Variants in TMED4 observed in about 807,000 individuals in gnomAD.
TMED4 encodes the protein transmembrane emp24 domain-containing protein 4.
Under a neutral mutation model 26.5 loss-of-function variants are expected in TMED4, and 19 were observed. The observed-to-expected ratio is 0.72, with a 90% CI of 0.50 to 1.05. The LOEUF (loss-of-function observed/expected upper bound fraction) is 1.05, where lower values mean the gene tolerates loss of function less well. TMED4 is among the 50% of genes least tolerant of loss of function. The pLI, the probability that TMED4 is intolerant of heterozygous loss-of-function variation, is 0.00. For missense variants in TMED4, 303 were observed against 302.5 expected, an observed-to-expected ratio of 1.00 and a Z score of -0.01; for synonymous variants, 121 against 119.8, an observed-to-expected ratio of 1.01 and a Z score of -0.07.
intron 4 of TMED4, 135 bp downstream of exon 4, chr7:44,580,958 A>G (rs1802966890): frequency 2.6e-5 from 27 of 1,028,870 alleles, no homozygotes; most frequent in Non-Finnish European, 3.7e-5. Flanking sequence ...CAAAAACAAC[A>G]AACAAACAAC....
rs748793983 is a variant in TMED4 at position 44,581,238 on chromosome 7, C to T, written c.389G>A (p.Arg130Gln). The stretch of plus-strand genomic sequence containing the variant: ...CCCAACCTGGATGTCGAGATGCACC[C>T]GCTACAAGGAAACATGGAATGTATG... ...RMALFAGGKL[R>Q]VHLDIQVGEH... is the part of the protein sequence containing the mutation. The change falls in exon 4 of 5, where the codon CGG becomes CAG. Residue 130 changes from arginine (R) to glutamine (Q), a missense_variant and splice_region_variant. Physicochemically the swap from Arg to Gln is conservative, Grantham distance 43. Coordinates refer to ENST00000457408, the MANE Select transcript of TMED4 (RefSeq NM_182547.4). 5 of 1,613,958 alleles carry T rather than the reference C, an allele frequency of 3.1e-6. No homozygotes were observed. Among genetic ancestry groups the T allele is most frequent in the Non-Finnish European group, 3.4e-6 (4 of 1,179,990 alleles).
In TMED4 at chr7:44,582,223, A is replaced by G. The variant is rs1803033037; in HGVS notation, c.-17T>C. 3 of 1,534,152 alleles carry G rather than the reference A, an allele frequency of 2.0e-6. No homozygotes were observed. In the East Asian group the frequency reaches 7.3e-5, roughly 38 times the overall value. On this transcript the variant is annotated 5_prime_UTR_variant, in exon 1 of 5. Transcript: ENST00000457408. ...ACCTGCCATCGCGCCTCAGCCCCTA[A>G]GCGCCTGCGCACATTTGCGCATCGC...
chr7:44,581,716 G>A lies in TMED4; in HGVS notation c.261+7C>T, dbSNP rs772188218. Reference sequence around the variant, plus strand: ...AGAACGGCTGCGTGGGCCAACGCCAGCCTTACCTTGCCGTCGGGGTCCTTC... The same window carrying A: ...AGAACGGCTGCGTGGGCCAACGCCAACCTTACCTTGCCGTCGGGGTCCTTC... On this transcript the variant is annotated splice_region_variant and intron_variant, in intron 2 of 4. Transcript: ENST00000457408. 21 of 1,614,196 alleles carry A rather than the reference G, an allele frequency of 1.3e-5. No homozygotes were observed. Among genetic ancestry groups the A allele is most frequent in the Non-Finnish European group, 1.7e-5 (20 of 1,180,020 alleles).
Position 44,582,166 on chromosome 7 carries a change from C to G in TMED4, c.41G>C (p.Arg14Pro). 5 of 1,548,460 alleles carry G rather than the reference C, an allele frequency of 3.2e-6. No homozygotes were observed. The highest frequency in any genetic ancestry group is 1.7e-4 in the Middle Eastern group (1 of 5,896). The change falls in exon 1 of 5, where the codon CGG (arginine) becomes CCG (proline). Residue 14 changes from arginine (R) to proline (P), a missense_variant. Coordinates refer to ENST00000457408, the MANE Select transcript of TMED4 (RefSeq NM_182547.4). ...CAGCGCGAGAAGCAGCAGGGCCTGC[C>G]GCCCCATCGCCCGCAGAGGCCCAGC... ...VGAGPLRAMG[R>P]QALLLLALCA...
intron 1 of TMED4, 73 bp downstream of exon 1, chr7:44,581,974 G>T: frequency 6.6e-7 from 1 of 1,522,428 alleles, no homozygotes; most frequent in Non-Finnish European, 8.8e-7. Context: ...GACCCGGCTG[G>T]GCTCGGGAGG....
Position 44,582,088 on chromosome 7 carries a change from C to G in TMED4, c.119G>C (p.Arg40Pro). 6.4e-7 allele frequency: 1 copy of G among 1,566,828 alleles called. No individual in the cohort carries two copies. Among genetic ancestry groups the G allele is most frequent in the South Asian group, 1.2e-5 (1 of 85,832 alleles). The change falls in exon 1 of 5, where the codon CGC (arginine) becomes CCC (proline). Residue 40 changes from arginine (R) to proline (P), a missense_variant. Transcript: ENST00000457408. ...LYFHIGETEK[R>P]CFIEEIPDET... ...GTCGGGGATTTCCTCGATGAAACAGCGCTTCTCGGTCTCGCCGATGTGGAA... is the reference window on the plus strand; with the variant it reads ...GTCGGGGATTTCCTCGATGAAACAGGGCTTCTCGGTCTCGCCGATGTGGAA...
intron 4 of TMED4, 66 bp downstream of exon 4, chr7:44,581,027 C>T: frequency 6.4e-7 from 1 of 1,563,318 alleles, no homozygotes; most frequent in Non-Finnish European, 8.8e-7. Context: ...CAAGCAGAAA[C>T]TTGAGTAGGT....
At chr7:44,581,651 C>T (rs1803002055) in intron 2 of TMED4, 72 bp downstream of exon 2, 1 of 1,613,800 alleles carries the variant, frequency 6.2e-7, no homozygotes. Context: ...CTTGAGGCCT[C>T]CTCCAGGCAG....
rs1344677638 is a variant in TMED4, at chr7:44,577,904, T to C, written c.*1575A>G. On this transcript the variant is annotated 3_prime_UTR_variant, in exon 5 of 5. Transcript: ENST00000457408. Reference sequence around the variant, plus strand: ...ACAAAAGGAGAAGAATTTAGTTCTGTAGGTCAGATAATTTAATAAATATTT... The same window carrying C: ...ACAAAAGGAGAAGAATTTAGTTCTGCAGGTCAGATAATTTAATAAATATTT... The C allele has an allele frequency of 6.6e-6, 1 of 151,930 alleles. No individual in the cohort carries two copies. The highest frequency in any genetic ancestry group is 1.5e-5 in the Non-Finnish European group (1 of 67,996). The allele number at this position is 151,930 out of a possible 1,614,324, so 9.4% of individuals were successfully genotyped here. A position where few individuals can be genotyped will look rare whatever the true frequency, so the allele number is the denominator to read the frequency against.
intron 4 of TMED4, 146 bp from the exon 5 acceptor site, chr7:44,579,774 C>A: frequency 2.8e-6 from 2 of 712,664 alleles, no homozygotes; most frequent in Non-Finnish European, 4.3e-6. Flanking sequence ...ATGGTCTCCC[C>A]ACTGAGGCTG....
Position 44,582,184 on chromosome 7 carries a change from G to A in TMED4, c.23C>T (p.Pro8Leu), listed in dbSNP as rs114056245. The A allele has an allele frequency of 9.3e-4, 1,436 of 1,546,686 alleles. 15 individuals are homozygous for A. The African/African-American group carries it at 0.014, about 15-fold the overall frequency. Residue 8 changes from proline (P) to leucine (L), a missense_variant, in exon 1 of 5, where the codon CCT (proline) becomes CTT (leucine). By Grantham distance (98) the Pro-to-Leu change is moderately conservative. Transcript: ENST00000457408. Reference protein sequence around the residue: MAGVGAGPLRAMGRQALL... With the variant: MAGVGAGLLRAMGRQALL... The stretch of plus-strand genomic sequence containing the variant: ...GGCCTGCCGCCCCATCGCCCGCAGA[G>A]GCCCAGCCCCGACACCTGCCATCGC...
intron 4 of TMED4, chr7:44,580,722 G>A (rs534366077): frequency 5.3e-4 from 100 of 189,716 alleles, no homozygotes; most frequent in African/African-American, 1.3e-3. Flanking sequence ...TGAGGCGGGC[G>A]GATCACTTGA....
Position 44,579,230 on chromosome 7 carries a change from C to T in TMED4, c.*249G>A, listed in dbSNP as rs1802906592. The T allele has an allele frequency of 2.1e-5, 7 of 332,396 alleles. No individual in the cohort carries two copies. Among genetic ancestry groups the T allele is most frequent in the South Asian group, 6.8e-5 (1 of 14,754 alleles). The allele number at this position is 332,396 out of a possible 1,614,324, so 20.6% of individuals were successfully genotyped here. A position where few individuals can be genotyped will look rare whatever the true frequency, so the allele number is the denominator to read the frequency against. On this transcript the variant is annotated 3_prime_UTR_variant, in exon 5 of 5. Coordinates refer to ENST00000457408, the MANE Select transcript of TMED4 (RefSeq NM_182547.4). The stretch of plus-strand genomic sequence containing the variant: ...GGAAAATCACTCGAGGCAAAAGAAG[C>T]AGGACTGAGTCCTGGGTTAGTTCTG...
At chr7:44,581,909 G>A (rs1391101089) in intron 1 of TMED4, 86 bp from the exon 2 acceptor site, 1 of 1,578,766 alleles carries the variant, frequency 6.3e-7, no homozygotes, top group African/African-American at 1.4e-5. Flanking sequence ...GGAGCTCTAG[G>A]CAGGGGGCCT....
Position 44,579,498 on chromosome 7 carries a change from T to C in TMED4, c.665A>G (p.Glu222Gly). 1 of 1,613,984 alleles carries C rather than the reference T, an allele frequency of 6.2e-7. No homozygotes were observed. Among genetic ancestry groups the C allele is most frequent in the East Asian group, 2.2e-5 (1 of 44,890 alleles). The change falls in exon 5 of 5, where the codon GAG (glutamate) becomes GGG (glycine). Residue 222 changes from glutamate to glycine, a missense_variant. Physicochemically the swap from Glu to Gly is moderately conservative, Grantham distance 98 (BLOSUM62 -2). Transcript: ENST00000457408. ...AGGGCACTACACCAGCTTCTTGGCCTCAAAGAAGCTCTTGAGGTGACGCAT... is the reference window on the plus strand; with the variant it reads ...AGGGCACTACACCAGCTTCTTGGCCCCAAAGAAGCTCTTGAGGTGACGCAT... ...WQMRHLKSFF[E>G]AKKLV
rs533017722 is a variant in TMED4 at position 44,581,168 on chromosome 7, C to T, written c.459G>A (p.Leu153=). The T allele has an allele frequency of 1.9e-6, 3 of 1,614,122 alleles. No individual in the cohort carries two copies. The South Asian group carries it at 3.3e-5, about 18-fold the overall frequency. The change falls in exon 4 of 5, where the codon CTG becomes CTA. Residue 153 remains leucine (L), a synonymous_variant. Transcript: ENST00000457408. ...NYPEIAAKDK[L]TELQLRARQL... is the part of the protein sequence containing the mutation. ...GGCGGGCGCGGAGCTGTAGCTCCGT[C>T]AGCTTATCTTTTGCAGCAATCTCAG...
rs374254531 is a variant in TMED4, at chr7:44,579,652, A to T, written c.535-24T>A. ...TACTGTGTGGGGCAACACAGGGTTA[A>T]GTGAGCAGGAGAAACAGTCTGGCTG... On this transcript the variant is annotated intron_variant, in intron 4 of 4. Transcript: ENST00000457408. The T allele has an allele frequency of 9.4e-6, 15 of 1,601,040 alleles. No homozygotes were observed. The African/African-American group carries it at 1.9e-4, about 20-fold the overall frequency.
chr7:44,581,887 G>A (rs1803013548), intron 1 of TMED4, 64 bp from the exon 2 acceptor site: 2 of 1,591,414 alleles, frequency 1.3e-6, no homozygotes, highest in African/African-American at 2.7e-5. Flanking sequence ...GGCCCCCTCC[G>A]ACGTGCGGCC....
At chr7:44,581,663 G>A (rs1803002528) in intron 2 of TMED4, 60 bp downstream of exon 2, 2 of 1,613,636 alleles carry the variant, frequency 1.2e-6, no homozygotes, top group East Asian at 2.2e-5. Context: ...TCCAGGCAGT[G>A]CTTTACACCC....
Sources: gnomAD v4.1 joint callset for allele counts on GRCh38, gnomAD v4.1.1 for gene constraint, MANE v1.5 for transcripts, NCBI Gene and HGNC (gene_info 2026-07-23, HGNC 2026-07-21) for gene names.